KAZN: variants seen among roughly 807,000 people sequenced by gnomAD.
The protein encoded by KAZN is kazrin.
Under a neutral mutation model 87.4 loss-of-function variants are expected in KAZN, and 40 were observed. That is an observed-to-expected ratio of 0.46 (90% confidence interval 0.36 to 0.60). The LOEUF (loss-of-function observed/expected upper bound fraction) is 0.60. Among genes scored for constraint, KAZN ranks in the 20% least tolerant of loss-of-function variants. The pLI, the probability that KAZN is intolerant of heterozygous loss-of-function variation, is 0.00. For missense variants in KAZN, 898 were observed against 1,073.9 expected (o/e 0.84, Z 2.29); for synonymous variants, 466 against 458.3 (o/e 1.02, Z -0.22).
intron 2 of KAZN, among the ~76,000 whole-genome samples, chr1:14,441,861 G>C (rs1456647997): frequency 6.6e-6 from 1 of 152,128 alleles, no homozygotes; most frequent in East Asian, 1.9e-4. Flanking sequence ...TATGGTAAAG[G>C]CAACACTGGA....
chr1:15,068,706 C>T (rs1639375768), intron 8 of KAZN, among the ~76,000 whole-genome samples: 1 of 151,996 alleles, frequency 6.6e-6, no homozygotes, highest in Non-Finnish European at 1.5e-5. Flanking sequence ...AGGCCTCCCC[C>T]AGCGAGACTC....
intron 1 of KAZN, among the ~76,000 whole-genome samples, chr1:14,125,462 G>A (rs186835152): frequency 7.2e-5 from 11 of 152,212 alleles, no homozygotes; most frequent in African/African-American, 2.4e-4. Context: ...CGTCCAGGTG[G>A]GCTTAAATCC....
At chr1:14,893,748 C>T (rs1654972508) in intron 1 of KAZN, among the ~76,000 whole-genome samples, 2 of 152,172 alleles carry the variant, frequency 1.3e-5, no homozygotes, top group South Asian at 4.1e-4. Flanking sequence ...TCTGTGCCCG[C>T]TTCAGCCTAT....
chr1:14,273,638 G>A (rs1350501469), intron 2 of KAZN, among the ~76,000 whole-genome samples: 1 of 152,156 alleles, frequency 6.6e-6, no homozygotes, highest in African/African-American at 2.4e-5. Context: ...ATAATATCCT[G>A]TGTTCCCCAC....
intron 1 of KAZN, among the ~76,000 whole-genome samples, chr1:14,098,573 G>A (rs1214283097): frequency 1.3e-5 from 2 of 152,072 alleles, no homozygotes; most frequent in African/African-American, 4.8e-5. Flanking sequence ...TTATATTTCT[G>A]CCTCTGGCTC....
intron 1 of KAZN, among the ~76,000 whole-genome samples, chr1:14,860,178 T>TCG: frequency 6.6e-6 from 1 of 150,714 alleles, no homozygotes; most frequent in Middle Eastern, 3.4e-3. Flanking sequence ...TCTCTCTCTC[T>TCG]AGATCTCTCT....
At chr1:14,219,554 G>A (rs183456831) in intron 2 of KAZN, among the ~76,000 whole-genome samples, 1 of 152,220 alleles carries the variant, frequency 6.6e-6, no homozygotes, top group East Asian at 1.9e-4. Context: ...TAAACAAGTA[G>A]GTCTTCATTA....
chr1:14,330,533 C>G (rs940435962), intron 2 of KAZN, among the ~76,000 whole-genome samples: 5 of 152,144 alleles, frequency 3.3e-5, no homozygotes, highest in Non-Finnish European at 7.4e-5. Flanking sequence ...AAATGAAGAC[C>G]ACTTATTTGA....
At chr1:14,681,611 G>GTGTA (rs1409719662) in intron 1 of KAZN, among the ~76,000 whole-genome samples, 3 of 33,880 alleles carry the variant, frequency 8.9e-5, no homozygotes, top group East Asian at 9.4e-4. Context: ...ATATGTATAT[G>GTGTA]TGTATATATA....
intron 2 of KAZN, among the ~76,000 whole-genome samples, chr1:14,204,081 C>A (rs1202363231): frequency 6.6e-6 from 1 of 152,206 alleles, no homozygotes; most frequent in East Asian, 1.9e-4. Flanking sequence ...TGGGTTACTG[C>A]TTTTGGAGAA....
At chr1:14,140,086 T>C (rs6699287) in intron 1 of KAZN, among the ~76,000 whole-genome samples, 204 of 152,100 alleles carry the variant, frequency 1.3e-3, no homozygotes, top group African/African-American at 4.7e-3. Context: ...CTAGGAACTG[T>C]AGAGAGGCAG....
At chr1:14,377,966 A>C (rs1661049661) in intron 2 of KAZN, among the ~76,000 whole-genome samples, 1 of 152,226 alleles carries the variant, frequency 6.6e-6, no homozygotes, top group Non-Finnish European at 1.5e-5. Flanking sequence ...AATTACCCCC[A>C]GCTGACAACC....
At chr1:14,909,026 C>T (rs1312677886) in intron 1 of KAZN, among the ~76,000 whole-genome samples, 1 of 152,100 alleles carries the variant, frequency 6.6e-6, no homozygotes, top group Non-Finnish European at 1.5e-5. Flanking sequence ...ACACCTGGTC[C>T]AGATACCGTC....
chr1:14,096,554 G>C (rs1439549265), intron 1 of KAZN, among the ~76,000 whole-genome samples: 1 of 152,208 alleles, frequency 6.6e-6, no homozygotes, highest in Non-Finnish European at 1.5e-5. Context: ...GAAGGAGAAT[G>C]GTGACAATAT....
At chr1:14,971,981 AGCAGAGGCTGTCTTTACGGTAGGG>A (rs1236179394) in intron 2 of KAZN, among the ~76,000 whole-genome samples, 1 of 152,128 alleles carries the variant, frequency 6.6e-6, no homozygotes, top group Non-Finnish European at 1.5e-5. Flanking sequence ...TCTCGGCTGC[AGCAGAGGCTGTCTTTACGGTAGGG>A]GCAGAGGCTG....
At chr1:14,496,495 C>T (rs571564799) in intron 2 of KAZN, among the ~76,000 whole-genome samples, 1 of 151,710 alleles carries the variant, frequency 6.6e-6, no homozygotes, top group East Asian at 1.9e-4. Context: ...TTCATAAAGG[C>T]CAGAGAAAAA....
chr1:13,971,027 T>C (rs1642117286), intron 1 of KAZN, among the ~76,000 whole-genome samples: 1 of 152,218 alleles, frequency 6.6e-6, no homozygotes, highest in Non-Finnish European at 1.5e-5. Context: ...CTCAGCTTGC[T>C]TTGGGTAGGT....
chr1:14,937,737 G>T (rs1318965742), intron 1 of KAZN, among the ~76,000 whole-genome samples: 2 of 152,218 alleles, frequency 1.3e-5, no homozygotes, highest in Non-Finnish European at 2.9e-5. Flanking sequence ...GGTGTTTTGG[G>T]TGCTCCAGAC....
intron 2 of KAZN, among the ~76,000 whole-genome samples, chr1:14,189,901 A>T (rs1222130315): frequency 6.6e-6 from 1 of 152,176 alleles, no homozygotes; most frequent in Non-Finnish European, 1.5e-5. Flanking sequence ...AAACTGCCCT[A>T]AAGCAAGTTT....
Sources: allele counts gnomAD v4.1 joint callset (sites outside exome capture counted in the v4.1 genomes callset), GRCh38; gene constraint gnomAD v4.1.1; transcripts MANE v1.5; gene names NCBI Gene and HGNC (gene_info 2026-07-23, HGNC 2026-07-21).